The following PAIP2 variants were observed in gnomAD, a reference collection of about 807,000 sequenced individuals.
The protein encoded by PAIP2 is polyadenylate-binding protein-interacting protein 2.
Under a neutral mutation model 14.8 loss-of-function variants are expected in PAIP2, and 7 were observed. The ratio of observed to expected loss-of-function variants is 0.47; its 90% CI spans 0.27 to 0.89. The LOEUF is 0.89. Ranked by LOEUF, PAIP2 falls within the 40% of genes least tolerant of loss-of-function variation. The pLI is 0.13. For synonymous variants in PAIP2, 47 were observed against 45.3 expected, an observed-to-expected ratio of 1.04 and a Z score of -0.15; for missense variants, 122 against 154.7, an observed-to-expected ratio of 0.79 and a Z score of 1.12.
rs191425499 is a variant in PAIP2, at chr5:139,347,377, G to A, written c.-27+5397G>A. On this transcript the variant is annotated intron_variant, in intron 1 of 3. Coordinates refer to ENST00000265192, the MANE Select transcript of PAIP2 (RefSeq NM_016480.5). Reference sequence around the variant, plus strand: ...CTACCTCCACCTCCCGAGTTCAAGCGATTCTCCTGCCTCAGCCTCCTGAGT... The same window carrying A: ...CTACCTCCACCTCCCGAGTTCAAGCAATTCTCCTGCCTCAGCCTCCTGAGT... Among the ~76,000 whole-genome samples, 809 of 148,812 alleles carry A rather than the reference G, an allele frequency of 5.4e-3. 4 individuals are homozygous for A. Among genetic ancestry groups the A allele is most frequent in the Non-Finnish European group, 8.7e-3 (590 of 67,440 alleles).
At chr5:139,366,167 C>T (rs1380400239) in intron 3 of PAIP2, among the ~76,000 whole-genome samples, 3 of 141,984 alleles carry the variant, frequency 2.1e-5, no homozygotes, top group African/African-American at 8.0e-5. Context: ...GGTGTCGTTG[C>T]ACTCTAGCCT....
At chr5:139,344,502 A>G (rs561780072) in intron 1 of PAIP2, among the ~76,000 whole-genome samples, 3 of 152,270 alleles carry the variant, frequency 2.0e-5, no homozygotes, top group Admixed American at 1.3e-4. Context: ...GTGCTGTCCA[A>G]TGATGTAGGT....
chr5:139,362,557 T>C (rs868780737), intron 1 of PAIP2, among the ~76,000 whole-genome samples: 1 of 151,976 alleles, frequency 6.6e-6, no homozygotes, highest in Non-Finnish European at 1.5e-5. Flanking sequence ...ATTACAGGCA[T>C]GTGCCACCAC....
intron 1 of PAIP2, among the ~76,000 whole-genome samples, chr5:139,360,700 C>G (rs893450123): frequency 6.6e-6 from 1 of 151,764 alleles, no homozygotes; most frequent in South Asian, 2.1e-4. Context: ...TGGGCTCAAG[C>G]GATCCACCCC....
intron 1 of PAIP2, among the ~76,000 whole-genome samples, chr5:139,348,822 T>G (rs963927465): frequency 2.0e-5 from 3 of 151,446 alleles, no homozygotes; most frequent in Admixed American, 6.6e-5. Flanking sequence ...GGATTACAGG[T>G]GCCTGCCACC....
chr5:139,357,068 C>G (rs1042533280), intron 1 of PAIP2, among the ~76,000 whole-genome samples: 2 of 152,068 alleles, frequency 1.3e-5, no homozygotes, highest in African/African-American at 4.8e-5. Context: ...CTTCCATTAG[C>G]TTAGTGGTCA....
chr5:139,368,151 T>C (rs1045118972), intron 3 of PAIP2, among the ~76,000 whole-genome samples: 66 of 152,234 alleles, frequency 4.3e-4, no homozygotes, highest in African/African-American at 1.2e-3. Flanking sequence ...CTGGCTAACA[T>C]GGTGAAACCC....
chr5:139,348,444 T>C (rs1169548965), intron 1 of PAIP2, among the ~76,000 whole-genome samples: 8 of 150,606 alleles, frequency 5.3e-5, no homozygotes, highest in Admixed American at 4.7e-4. Flanking sequence ...AAGCTCTGCC[T>C]CCCGGGTTCA....
intron 1 of PAIP2, chr5:139,342,836 G>A (rs111543840): frequency 6.6e-6 from 1 of 152,178 alleles, no homozygotes; most frequent in Non-Finnish European, 1.5e-5. Flanking sequence ...GCTTCCTTTT[G>A]TTTCTTTTTT....
At chr5:139,368,284 G>A (rs1757416927) in intron 3 of PAIP2, among the ~76,000 whole-genome samples, 1 of 152,162 alleles carries the variant, frequency 6.6e-6, no homozygotes, top group Non-Finnish European at 1.5e-5. Flanking sequence ...AGCTTGCAGT[G>A]AGCTGAGATC....
chr5:139,357,456 G>GC (rs745492496), intron 1 of PAIP2, among the ~76,000 whole-genome samples: 1 of 152,080 alleles, frequency 6.6e-6, no homozygotes, highest in Non-Finnish European at 1.5e-5. Context: ...GTGTGCTACT[G>GC]CCCCACCTCA....
At chr5:139,362,571 C>T (rs1340628532) in intron 1 of PAIP2, among the ~76,000 whole-genome samples, 3 of 151,872 alleles carry the variant, frequency 2.0e-5, no homozygotes, top group Admixed American at 6.6e-5. Flanking sequence ...CCACCACGCC[C>T]GGCTAATTTT....
chr5:139,360,981 A>G (rs1030285432), intron 1 of PAIP2, among the ~76,000 whole-genome samples: 5 of 151,598 alleles, frequency 3.3e-5, no homozygotes, highest in African/African-American at 1.2e-4. Context: ...GGGGTTCTCT[A>G]TGTTGCCCAG....
intron 1 of PAIP2, among the ~76,000 whole-genome samples, chr5:139,350,773 G>A (rs936646960): frequency 1.3e-5 from 2 of 151,938 alleles, no homozygotes; most frequent in African/African-American, 4.8e-5. Flanking sequence ...CTAGATGAAA[G>A]GTTTGTGCTC....
intron 1 of PAIP2, among the ~76,000 whole-genome samples, chr5:139,360,767 TC>T (rs1484726387): frequency 2.0e-5 from 3 of 151,468 alleles, no homozygotes; most frequent in Non-Finnish European, 2.9e-5. Flanking sequence ...GTTTGTTTCT[TC>T]CTGCCTTTCT....
chr5:139,363,386 A>G (rs781071872), intron 1 of PAIP2, among the ~76,000 whole-genome samples: 1 of 152,166 alleles, frequency 6.6e-6, no homozygotes, highest in Non-Finnish European at 1.5e-5. Flanking sequence ...TCTAACACCT[A>G]TTCATGATGC....
At chr5:139,355,758 G>A (rs898181329) in intron 1 of PAIP2, among the ~76,000 whole-genome samples, 2 of 152,130 alleles carry the variant, frequency 1.3e-5, no homozygotes, top group Non-Finnish European at 2.9e-5. Context: ...TTGGGAGGCT[G>A]AGGAAGGAGA....
chr5:139,357,586 ACT>A (rs1317621674), intron 1 of PAIP2, among the ~76,000 whole-genome samples: 1 of 152,024 alleles, frequency 6.6e-6, no homozygotes, highest in Non-Finnish European at 1.5e-5. Context: ...TAATCCAAAC[ACT>A]CTGGGAGGCT....
chr5:139,350,977 G>A (rs1171517110), intron 1 of PAIP2, among the ~76,000 whole-genome samples: 2 of 151,910 alleles, frequency 1.3e-5, no homozygotes, highest in African/African-American at 4.8e-5. Flanking sequence ...ATGAACTAAA[G>A]ATTTAAATAT....
Sources: allele counts gnomAD v4.1 joint callset (sites outside exome capture counted in the v4.1 genomes callset), GRCh38; gene constraint gnomAD v4.1.1; transcripts MANE v1.5; gene names NCBI Gene and HGNC (gene_info 2026-07-23, HGNC 2026-07-21).